The following SAMD4A variants were observed in gnomAD, a reference collection of about 807,000 sequenced individuals.
SAMD4A encodes protein Smaug homolog 1.
Under a neutral mutation model 81.3 loss-of-function variants are expected in SAMD4A, and 33 were observed. That is an observed-to-expected ratio of 0.41 (90% confidence interval 0.31 to 0.54). The LOEUF (loss-of-function observed/expected upper bound fraction) is 0.54, where lower values mean the gene tolerates loss of function less well. Among genes scored for constraint, SAMD4A ranks in the 20% least tolerant of loss-of-function variants. The pLI is 0.37. For missense variants in SAMD4A, 854 were observed against 951.1 expected, an observed-to-expected ratio of 0.90 and a Z score of 1.34; for synonymous variants, 389 against 382.1, an observed-to-expected ratio of 1.02 and a Z score of -0.21.
intron 2 of SAMD4A, among the ~76,000 whole-genome samples, chr14:54,625,767 T>C (rs772881721): frequency 1.3e-5 from 2 of 152,228 alleles, no homozygotes; most frequent in Non-Finnish European, 2.9e-5. Context: ...TGTGCAGCTT[T>C]GCTCACGGGG....
intron 2 of SAMD4A, among the ~76,000 whole-genome samples, chr14:54,662,894 T>C (rs1480327831): frequency 6.6e-6 from 1 of 152,216 alleles, no homozygotes; most frequent in African/African-American, 2.4e-5. Flanking sequence ...TGGGAAGTTC[T>C]GCCAGGGTTT....
intron 2 of SAMD4A, among the ~76,000 whole-genome samples, chr14:54,629,817 G>A (rs964208346): frequency 6.6e-6 from 1 of 152,082 alleles, no homozygotes; most frequent in African/African-American, 2.4e-5. Flanking sequence ...AACTGTGTGT[G>A]TATATTAAAC....
chr14:54,572,431 A>G (rs2033155967), intron 2 of SAMD4A, among the ~76,000 whole-genome samples: 1 of 152,226 alleles, frequency 6.6e-6, no homozygotes, highest in Non-Finnish European at 1.5e-5. Context: ...ATCCCCTTTA[A>G]TGTATGGGCC....
intron 2 of SAMD4A, among the ~76,000 whole-genome samples, chr14:54,581,261 C>T (rs191384491): frequency 6.6e-6 from 1 of 152,332 alleles, no homozygotes; most frequent in East Asian, 1.9e-4. Flanking sequence ...CTCAAAGTAC[C>T]AGTTGAAACA....
At chr14:54,650,552 C>T (rs78484217) in intron 2 of SAMD4A, among the ~76,000 whole-genome samples, 5,880 of 152,236 alleles carry the variant, frequency 0.039, 146 homozygotes, top group Middle Eastern at 0.082. Flanking sequence ...TTCAGACACT[C>T]GTGCTTAAGC....
At chr14:54,777,049 A>G (rs772361737) in intron 11 of SAMD4A, among the ~76,000 whole-genome samples, 73 of 152,362 alleles carry the variant, frequency 4.8e-4, no homozygotes, top group Middle Eastern at 3.4e-3. Context: ...AGCTTTCACT[A>G]TGCTTCCTAA....
At chr14:54,753,115 C>T (rs1387446474) in intron 6 of SAMD4A, among the ~76,000 whole-genome samples, 2 of 152,260 alleles carry the variant, frequency 1.3e-5, no homozygotes, top group Admixed American at 6.5e-5. Flanking sequence ...TGGCCTTCCT[C>T]TATCTCAACT....
At chr14:54,647,092 A>C (rs1026592360) in intron 2 of SAMD4A, among the ~76,000 whole-genome samples, 1 of 152,248 alleles carries the variant, frequency 6.6e-6, no homozygotes, top group Non-Finnish European at 1.5e-5. Context: ...ATTTGACTCT[A>C]TAAGACAAGT....
chr14:54,618,068 CA>C (rs977388097), intron 2 of SAMD4A, among the ~76,000 whole-genome samples: 20 of 152,126 alleles, frequency 1.3e-4, no homozygotes, highest in African/African-American at 4.8e-4. Flanking sequence ...CCAAAATTAT[CA>C]ATATTTTGGT....
At chr14:54,760,074 A>G in intron 6 of SAMD4A, 87 bp from the exon 7 acceptor site, 1 of 1,367,490 alleles carries the variant, frequency 7.3e-7, no homozygotes, top group South Asian at 1.3e-5. Context: ...GAATCCTGTA[A>G]GAGCTCAGGG....
chr14:54,727,200 T>C (rs2037444202), intron 3 of SAMD4A, among the ~76,000 whole-genome samples: 1 of 90,122 alleles, frequency 1.1e-5, no homozygotes, highest in Admixed American at 1.3e-4. Context: ...TTTTTTTTTT[T>C]TTTTTTTGAG....
intron 3 of SAMD4A, among the ~76,000 whole-genome samples, chr14:54,722,263 G>T (rs932008949): frequency 1.8e-4 from 27 of 152,094 alleles, no homozygotes; most frequent in African/African-American, 6.5e-4. Context: ...AGAAGGATAG[G>T]TATTCAGAGT....
chr14:54,678,761 G>A (rs543239210), intron 2 of SAMD4A, among the ~76,000 whole-genome samples: 74 of 152,212 alleles, frequency 4.9e-4, no homozygotes, highest in African/African-American at 1.7e-3. Context: ...TGTTAGCCAG[G>A]ATGGTCTCGA....
intron 4 of SAMD4A, among the ~76,000 whole-genome samples, chr14:54,742,347 G>A (rs190682190): frequency 6.6e-6 from 1 of 152,178 alleles, no homozygotes; most frequent in East Asian, 1.9e-4. Flanking sequence ...AGAATGGGGG[G>A]GGCAGCATGG....
At chr14:54,623,418 C>T (rs1436158553) in intron 2 of SAMD4A, among the ~76,000 whole-genome samples, 2 of 133,842 alleles carry the variant, frequency 1.5e-5, no homozygotes, top group Non-Finnish European at 3.1e-5. Flanking sequence ...ATAGTCACAG[C>T]TGAGTCTGTG....
At chr14:54,568,158 C>A (rs1226766792) in intron 2 of SAMD4A, 46 bp downstream of exon 2, 1 of 1,415,780 alleles carries the variant, frequency 7.1e-7, no homozygotes, top group Non-Finnish European at 9.2e-7. Context: ...GCCCAACCCC[C>A]GCTCCTCCCT....
Position 54,737,176 on chromosome 14 carries a change from C to T in SAMD4A, c.868C>T (p.Pro290Ser), listed in dbSNP as rs764106494. 1 of 1,614,064 alleles carries T rather than the reference C, an allele frequency of 6.2e-7. No individual in the cohort carries two copies. ...GPQCLPSDHA[P>S]LSPQSSVASS... ...CCAGTGCCTCCCATCCGATCATGCC[C>T]CCCTGTCTCCACAAAGCAGTGTAGC... The change falls in exon 4 of 13, where the codon CCC (proline) becomes TCC (serine). Residue 290 changes from proline to serine, a missense_variant. Around this residue, in one of 3 missense-constraint regions of SAMD4A, gnomAD observed 387 missense variants for 405.8 expected, o/e 0.95. Coordinates refer to ENST00000554335, the MANE Select transcript of SAMD4A (RefSeq NM_015589.6).
chr14:54,747,425 G>A (rs2037995131), intron 4 of SAMD4A, among the ~76,000 whole-genome samples: 1 of 152,138 alleles, frequency 6.6e-6, no homozygotes, highest in Admixed American at 6.5e-5. Flanking sequence ...CAGGAAGCAG[G>A]GCCTGATTTC....
chr14:54,651,185 C>G (rs1267877592), intron 2 of SAMD4A, among the ~76,000 whole-genome samples: 3 of 152,164 alleles, frequency 2.0e-5, no homozygotes, highest in African/African-American at 7.2e-5. Context: ...TAGAATTCCT[C>G]AAGACCTATT....
Sources: allele counts gnomAD v4.1 joint callset (sites outside exome capture counted in the v4.1 genomes callset), GRCh38; gene constraint gnomAD v4.1.1; regional missense constraint gnomAD v4.1.1; transcripts MANE v1.5; gene names NCBI Gene and HGNC (gene_info 2026-07-23, HGNC 2026-07-21).